The following EPN2 variants were observed in gnomAD, a reference collection of about 807,000 sequenced individuals.
EPN2 encodes epsin 2, also known as epsin-2.
EPN2 carries 34 observed loss-of-function variants against 61.7 expected under a neutral mutation model. The observed-to-expected ratio is 0.55, with a 90% CI of 0.42 to 0.73. EPN2 has a LOEUF of 0.73. Among genes scored for constraint, EPN2 ranks in the 30% least tolerant of loss-of-function variants. The probability of loss-of-function intolerance (pLI) is 0.00; values close to 1 mark genes in which losing one functional copy is unlikely to be tolerated. For missense variants in EPN2, 714 were observed against 839.2 expected (o/e 0.85, Z 1.84); for synonymous variants, 349 against 353.6 (o/e 0.99, Z 0.15).
In EPN2 at chr17:19,335,184, AC is replaced by A. The variant is rs1424710059; in HGVS notation, c.*931del. 1.3e-5 allele frequency: 5 copies of A among 390,778 alleles called. No individual in the cohort carries two copies. Among genetic ancestry groups the A allele is most frequent in the Non-Finnish European group, 1.8e-5 (4 of 219,386 alleles). The allele number at this position is 390,778 out of a possible 1,614,324, so 24.2% of individuals were successfully genotyped here. On this transcript the variant is annotated 3_prime_UTR_variant, in exon 11 of 11. Coordinates refer to ENST00000314728, the MANE Select transcript of EPN2 (RefSeq NM_014964.5). Reference sequence around the variant, plus strand: ...ATGATGATGTTTATTTAAAAAAAAAACAACAGCAACAAAAAATCCTAGCCTC... The same window carrying A: ...ATGATGATGTTTATTTAAAAAAAAAAAACAGCAACAAAAAATCCTAGCCTC...
chr17:19,251,436 G>T (rs550401830), intron 1 of EPN2, among the ~76,000 whole-genome samples: 1 of 152,210 alleles, frequency 6.6e-6, no homozygotes, highest in Non-Finnish European at 1.5e-5. Flanking sequence ...TGAGTTTGCA[G>T]ACATCGCCTG....
intron 4 of EPN2, among the ~76,000 whole-genome samples, chr17:19,290,298 C>G (rs1006118905): frequency 6.6e-6 from 1 of 152,184 alleles, no homozygotes; most frequent in Non-Finnish European, 1.5e-5. Context: ...TTACCCGCCC[C>G]CCGGGCTCTT....
chr17:19,256,091 C>T (rs1053051284), intron 1 of EPN2, among the ~76,000 whole-genome samples: 2 of 151,990 alleles, frequency 1.3e-5, no homozygotes, highest in Admixed American at 6.6e-5. Flanking sequence ...GTGCCCGCCA[C>T]CACGCCCGGC....
intron 4 of EPN2, chr17:19,308,509 G>A: frequency 2.0e-6 from 2 of 985,454 alleles, no homozygotes; most frequent in Non-Finnish European, 2.4e-6. Context: ...CCAGGGGTGA[G>A]TGCTACAAGG....
At chr17:19,313,580 G>A in intron 7 of EPN2, 1 of 346,376 alleles carries the variant, frequency 2.9e-6, no homozygotes, top group Admixed American at 4.5e-5. Context: ...TTCAACTCTT[G>A]CAGCCTCAGC....
chr17:19,278,670 A>G (rs1400783123), intron 1 of EPN2, among the ~76,000 whole-genome samples: 1 of 152,212 alleles, frequency 6.6e-6, no homozygotes, highest in Non-Finnish European at 1.5e-5. Flanking sequence ...CTCTTTTGAG[A>G]CAGAGTCTTG....
rs771526848 is a variant in EPN2, at chr17:19,329,561, G to T, written c.1325G>T (p.Gly442Val). 2.5e-6 allele frequency: 4 copies of T among 1,606,238 alleles called. No individual in the cohort carries two copies. The highest frequency in any genetic ancestry group is 3.4e-6 in the Non-Finnish European group (4 of 1,173,788). ...VSTTKPVSVS[G>V]SFELFSNLNG... ...GTCATTGGCTTCTGTGTCCACCCAG[G>T]GTCCTTTGAGCTCTTCAGTAATCTG... The change falls in exon 9 of 11, where the codon GGG becomes GTG. Residue 442 changes from glycine to valine, a missense_variant and splice_region_variant. Transcript: ENST00000314728.
intron 7 of EPN2, among the ~76,000 whole-genome samples, chr17:19,323,404 A>T (rs1305044528): frequency 6.6e-6 from 1 of 152,242 alleles, no homozygotes; most frequent in East Asian, 1.9e-4. Context: ...TTGAAAGCTG[A>T]CAGGGTTTTC....
In EPN2 at chr17:19,302,361, C is replaced by T. The variant is rs575215609; in HGVS notation, c.767-7524C>T. On this transcript the variant is annotated intron_variant, in intron 4 of 10. Coordinates refer to ENST00000314728, the MANE Select transcript of EPN2 (RefSeq NM_014964.5). Reference sequence around the variant, plus strand: ...ACCTAGGCCAGGGGTCCCCAACCTCCGGGCCACAGACCCAAAGCTTCATCT... The same window carrying T: ...ACCTAGGCCAGGGGTCCCCAACCTCTGGGCCACAGACCCAAAGCTTCATCT... Among the ~76,000 whole-genome samples the T allele has an allele frequency of 1.2e-3, 189 of 152,346 alleles. 1 individual carries two copies. In the South Asian group the frequency reaches 0.016, roughly 13 times the overall value.
chr17:19,332,311 G>A (rs906912569), intron 10 of EPN2, among the ~76,000 whole-genome samples: 4 of 152,122 alleles, frequency 2.6e-5, no homozygotes, highest in African/African-American at 9.7e-5. Flanking sequence ...CTACCAAGCA[G>A]AAACTGTCCC....
At chr17:19,304,104 A>AT (rs1335251438) in intron 4 of EPN2, among the ~76,000 whole-genome samples, 2 of 39,392 alleles carry the variant, frequency 5.1e-5, no homozygotes, top group Non-Finnish European at 1.1e-4. Flanking sequence ...CTCCGTCTCA[A>AT]AAAATAAATA....
chr17:19,310,624 C>CTGGAGTGCAT, intron 5 of EPN2, among the ~76,000 whole-genome samples: 1 of 114,914 alleles, frequency 8.7e-6, no homozygotes, highest in South Asian at 2.9e-4. Flanking sequence ...GTCACCCAGG[C>CTGGAGTGCAT]TGGAGTGCAG....
At position 19,237,544 on chromosome 17, in the gene EPN2, C is replaced by T. The variant is rs1255794010; in HGVS notation, c.-294+13C>T. On this transcript the variant is annotated intron_variant, in intron 1 of 10. Transcript: ENST00000314728. ...CGGAGGAGCAGAGGTGAGCCACAGC[C>T]CGTGGGGCTCCAAGGCCAGAGCGAG... The T allele has an allele frequency of 1.3e-5, 2 of 152,352 alleles. No homozygotes were observed. Among genetic ancestry groups the T allele is most frequent in the Admixed American group, 6.5e-5 (1 of 15,282 alleles). The allele number at this position is 152,352 out of a possible 1,614,324, so 9.4% of individuals were successfully genotyped here. A position where few individuals can be genotyped will look rare whatever the true frequency, so the allele number is the denominator to read the frequency against.
At chr17:19,255,760 T>C (rs2045070478) in intron 1 of EPN2, among the ~76,000 whole-genome samples, 1 of 151,452 alleles carries the variant, frequency 6.6e-6, no homozygotes, top group African/African-American at 2.4e-5. Context: ...GTAGTTGGGA[T>C]TACAGGCATA....
At chr17:19,239,210 C>T (rs931488183) in intron 1 of EPN2, among the ~76,000 whole-genome samples, 3 of 152,248 alleles carry the variant, frequency 2.0e-5, no homozygotes, top group African/African-American at 4.8e-5. Flanking sequence ...TGCAGTGGCA[C>T]GATCTCGGCT....
chr17:19,258,498 G>A (rs1288668363), intron 1 of EPN2, among the ~76,000 whole-genome samples: 2 of 152,248 alleles, frequency 1.3e-5, no homozygotes, highest in Non-Finnish European at 2.9e-5. Flanking sequence ...GGGTTGGGTT[G>A]GGTTGACAAT....
chr17:19,295,844 T>C (rs894092611), intron 4 of EPN2, among the ~76,000 whole-genome samples: 12 of 152,150 alleles, frequency 7.9e-5, no homozygotes, highest in African/African-American at 2.9e-4. Context: ...CTGACAGCAG[T>C]GTGCTGGGGG....
Position 19,328,829 on chromosome 17 carries a change from G to C in EPN2, c.1266G>C (p.Gly422=). The change falls in exon 8 of 11, where the codon GGG becomes GGC. Residue 422 remains glycine, a synonymous_variant. Transcript: ENST00000314728. ...AASQQPASSA[G]KRASDAWGAV... Reference sequence around the variant, plus strand: ...CACAGCAGCCTGCCTCCAGTGCTGGGAAAAGAGCTTCTGACGCGTGGGGCG... The same window carrying C: ...CACAGCAGCCTGCCTCCAGTGCTGGCAAAAGAGCTTCTGACGCGTGGGGCG... The C allele has an allele frequency of 1.9e-6, 3 of 1,613,588 alleles. No homozygotes were observed. The highest frequency in any genetic ancestry group is 2.5e-6 in the Non-Finnish European group (3 of 1,179,690).
rs991781602 is a variant in EPN2 at position 19,237,402 on chromosome 17, G to C, written c.-423G>C. On this transcript the variant is annotated 5_prime_UTR_variant, in exon 1 of 11. Coordinates refer to ENST00000314728, the MANE Select transcript of EPN2 (RefSeq NM_014964.5). ...GCGCCCCCTCCCGGCCGCCATGTTG[G>C]CTGGTGTGTGGGTGTCAAACTGAGC... 2 of 152,068 alleles carry C rather than the reference G, an allele frequency of 1.3e-5. No homozygotes were observed. Among genetic ancestry groups the C allele is most frequent in the Non-Finnish European group, 2.9e-5 (2 of 68,062 alleles). 9.4% of individuals were successfully genotyped at this position (152,068 alleles called of 1,614,324 possible).
Sources: gnomAD v4.1 joint callset for allele counts (sites outside exome capture counted in the v4.1 genomes callset) on GRCh38, gnomAD v4.1.1 for gene constraint, MANE v1.5 for transcripts, NCBI Gene and HGNC (gene_info 2026-07-23, HGNC 2026-07-21) for gene names.